The following ROBO1 variants were observed in gnomAD, a reference collection of about 807,000 sequenced individuals.
ROBO1 encodes the protein roundabout guidance receptor 1.
ROBO1 carries 149 observed loss-of-function variants against 195.9 expected under a neutral mutation model. The ratio of observed to expected loss-of-function variants is 0.76; its 90% CI spans 0.67 to 0.87. ROBO1 has a LOEUF of 0.87. ROBO1 is among the 40% of genes least tolerant of loss of function. The probability of loss-of-function intolerance (pLI) is 0.00; values close to 1 mark genes in which losing one functional copy is unlikely to be tolerated. For synonymous variants in ROBO1, 816 were observed against 733.2 expected, an observed-to-expected ratio of 1.11 and a Z score of -1.82; for missense variants, 1,933 against 2,068.3, an observed-to-expected ratio of 0.93 and a Z score of 1.27.
chr3:79,685,564 C>A (rs1947079024), intron 1 of ROBO1, among the ~76,000 whole-genome samples: 2 of 152,102 alleles, frequency 1.3e-5, no homozygotes, highest in Admixed American at 1.3e-4. Context: ...CATATGGGTG[C>A]AGGTTTCCAG....
At chr3:79,311,907 A>T (rs964534506) in intron 2 of ROBO1, among the ~76,000 whole-genome samples, 1 of 152,104 alleles carries the variant, frequency 6.6e-6, no homozygotes, top group African/African-American at 2.4e-5. Flanking sequence ...AAAGCCACCT[A>T]AAAGTGTCTA....
At chr3:78,923,283 C>T (rs892176068) in intron 4 of ROBO1, among the ~76,000 whole-genome samples, 17 of 152,128 alleles carry the variant, frequency 1.1e-4, no homozygotes, top group African/African-American at 4.1e-4. Context: ...TTACAAGGTC[C>T]TTATCCTCAT....
intron 8 of ROBO1, among the ~76,000 whole-genome samples, chr3:78,704,661 CAAAAAAAAAAAA>C (rs1160098731): frequency 1.6e-5 from 1 of 61,682 alleles, no homozygotes; most frequent in South Asian, 5.7e-4. Flanking sequence ...CTCATCTCTC[CAAAAAAAAAAAA>C]AAAAAAAAAG....
At chr3:79,121,626 T>A (rs2080117878) in intron 3 of ROBO1, among the ~76,000 whole-genome samples, 1 of 152,036 alleles carries the variant, frequency 6.6e-6, no homozygotes, top group Admixed American at 6.6e-5. Flanking sequence ...AATCTTTTAG[T>A]TTTAAGATTT....
chr3:79,332,475 C>T (rs2034487858), intron 2 of ROBO1, among the ~76,000 whole-genome samples: 1 of 152,192 alleles, frequency 6.6e-6, no homozygotes, highest in Non-Finnish European at 1.5e-5. Context: ...GAGCTGACAT[C>T]TTTGACTTCT....
At chr3:79,198,401 C>T (rs897748367) in intron 2 of ROBO1, among the ~76,000 whole-genome samples, 6 of 151,942 alleles carry the variant, frequency 3.9e-5, no homozygotes, top group Non-Finnish European at 7.4e-5. Flanking sequence ...GTCTATATAT[C>T]TGTTTTGGTA....
rs1441034174 is a variant in ROBO1 at position 79,384,664 on chromosome 3, C to CTT, written c.88+205158_88+205159dup. On this transcript the variant is annotated intron_variant, in intron 2 of 30. Coordinates refer to ENST00000464233, the MANE Select transcript of ROBO1 (RefSeq NM_002941.4). ...CTTTAAATGTTTACTCGCTTAATCT[C>CTT]TTTTAGCAAGTTAAATTATGATAAG... Among the ~76,000 whole-genome samples the CTT allele has an allele frequency of 3.3e-5, 5 of 152,056 alleles. No homozygotes were observed. The East Asian group carries it at 9.6e-4, about 29-fold the overall frequency.
At chr3:79,419,805 T>C (rs540285120) in intron 2 of ROBO1, among the ~76,000 whole-genome samples, 9 of 152,280 alleles carry the variant, frequency 5.9e-5, no homozygotes, top group Admixed American at 1.3e-4. Context: ...TTTGGATTTT[T>C]ATTAAATAGA....
intron 3 of ROBO1, among the ~76,000 whole-genome samples, chr3:78,974,330 T>TA (rs1262017574): frequency 6.6e-6 from 1 of 151,188 alleles, no homozygotes; most frequent in South Asian, 2.1e-4. Context: ...CTTAGGAAAT[T>TA]AAAAAAAAGA....
chr3:79,738,303 A>G (rs991650347), intron 1 of ROBO1, among the ~76,000 whole-genome samples: 5 of 152,220 alleles, frequency 3.3e-5, no homozygotes, highest in African/African-American at 1.2e-4. Context: ...TTAAAAATTA[A>G]CTAGTGTCTT....
At chr3:78,969,161 A>G (rs2076710913) in intron 3 of ROBO1, among the ~76,000 whole-genome samples, 1 of 152,198 alleles carries the variant, frequency 6.6e-6, no homozygotes, top group Admixed American at 6.5e-5. Flanking sequence ...TCCCTTAAAT[A>G]TAAGAAGATA....
intron 4 of ROBO1, among the ~76,000 whole-genome samples, chr3:78,761,629 T>G (rs2083108147): frequency 6.6e-6 from 1 of 152,150 alleles, no homozygotes; most frequent in Admixed American, 6.5e-5. Flanking sequence ...GTACTACAAG[T>G]TTCCTCTTAA....
intron 2 of ROBO1, among the ~76,000 whole-genome samples, chr3:79,471,415 T>C (rs1036547762): frequency 1.9e-4 from 29 of 152,274 alleles, no homozygotes; most frequent in African/African-American, 6.0e-4. Flanking sequence ...TGCTTCAGCA[T>C]ACACTGTTAA....
intron 2 of ROBO1, among the ~76,000 whole-genome samples, chr3:79,327,197 C>T (rs1309386441): frequency 1.3e-5 from 2 of 151,740 alleles, no homozygotes; most frequent in African/African-American, 4.8e-5. Context: ...GAAAAATTGT[C>T]CAATATTTCA....
intron 4 of ROBO1, among the ~76,000 whole-genome samples, chr3:78,755,168 G>A (rs965352721): frequency 1.8e-4 from 28 of 152,236 alleles, no homozygotes; most frequent in African/African-American, 6.3e-4. Flanking sequence ...AATGGAGAGG[G>A]AAGTAATAAT....
intron 2 of ROBO1, among the ~76,000 whole-genome samples, chr3:79,439,481 T>TTTTGTTC (rs2038987718): frequency 6.6e-6 from 1 of 152,132 alleles, no homozygotes; most frequent in African/African-American, 2.4e-5. Flanking sequence ...TTAGGTATGC[T>TTTTGTTC]TTTGTTCTTC....
intron 4 of ROBO1, among the ~76,000 whole-genome samples, chr3:78,917,409 A>G (rs1301481882): frequency 6.6e-6 from 1 of 152,154 alleles, no homozygotes; most frequent in Non-Finnish European, 1.5e-5. Context: ...TAACAGGGAC[A>G]TCATCTTTTA....
At chr3:78,708,595 A>C (rs1347147787) in intron 8 of ROBO1, among the ~76,000 whole-genome samples, 1 of 152,228 alleles carries the variant, frequency 6.6e-6, no homozygotes, top group Non-Finnish European at 1.5e-5. Context: ...ATGGATTTAG[A>C]TTAAGATAGC....
intron 2 of ROBO1, among the ~76,000 whole-genome samples, chr3:79,173,256 G>A (rs2081198257): frequency 6.6e-6 from 1 of 152,132 alleles, no homozygotes. Context: ...GAGCCCTTCA[G>A]CCCACCGCTG....
Sources: allele counts gnomAD v4.1 joint callset (sites outside exome capture counted in the v4.1 genomes callset), GRCh38; gene constraint gnomAD v4.1.1; transcripts MANE v1.5; gene names NCBI Gene and HGNC (gene_info 2026-07-23, HGNC 2026-07-21).